Variants in PRP4K observed in about 807,000 individuals in gnomAD.
PRP4K encodes the protein serine/threonine-protein kinase PRP4 homolog.
At chr6:4,044,079 T>G in the PRP4K span, 2 of 1,520,472 alleles carry the variant, frequency 1.3e-6, no homozygotes, top group Non-Finnish European at 1.8e-6. Context: ...TCTGTAACTT[T>G]ATAATAAGAG....
the PRP4K span, among the ~76,000 whole-genome samples, chr6:4,021,987 G>T: frequency 6.6e-6 from 1 of 152,114 alleles, no homozygotes; most frequent in African/African-American, 2.4e-5. Context: ...GGCCATCCCA[G>T]AGCTAGTCTG....
the PRP4K span, among the ~76,000 whole-genome samples, chr6:4,059,826 A>G: frequency 1.3e-5 from 2 of 152,064 alleles, no homozygotes; most frequent in African/African-American, 4.8e-5. Context: ...TTGTATTTTT[A>G]GTAGAGATGG....
chr6:4,045,846 T>A, the PRP4K span, among the ~76,000 whole-genome samples: 1 of 152,228 alleles, frequency 6.6e-6, no homozygotes, highest in Non-Finnish European at 1.5e-5. Context: ...TTTGATAGGC[T>A]TAGGTTTATT....
chr6:4,044,864 T>A, the PRP4K span, among the ~76,000 whole-genome samples: 2 of 33,170 alleles, frequency 6.0e-5, no homozygotes, highest in Non-Finnish European at 1.8e-4. Context: ...ATTATTATTA[T>A]TTTTTTTTTT....
the PRP4K span, among the ~76,000 whole-genome samples, chr6:4,023,533 A>G: frequency 4.5e-4 from 68 of 152,304 alleles, no homozygotes; most frequent in Middle Eastern, 6.8e-3. Context: ...CTTGTCAAGT[A>G]TGAAATTATT....
At chr6:4,057,307 C>A in the PRP4K span, 1 of 994,614 alleles carries the variant, frequency 1.0e-6, no homozygotes, top group Non-Finnish European at 1.5e-6. Context: ...GGGTAGATGG[C>A]TATCATGATT....
At chr6:4,060,649 A>C in the PRP4K span, 1 of 1,559,706 alleles carries the variant, frequency 6.4e-7, no homozygotes, top group Non-Finnish European at 8.7e-7. The surrounding 1 kb of genome is among the most constrained non-coding windows in gnomAD (Gnocchi z 4.7). Context: ...GTTTGAGTAA[A>C]TACAAAGACT....
At chr6:4,027,171 A>G in the PRP4K span, among the ~76,000 whole-genome samples, 1 of 152,160 alleles carries the variant, frequency 6.6e-6, no homozygotes, top group Non-Finnish European at 1.5e-5. Context: ...CAAATGGAAG[A>G]TCTTTTGACT....
At chr6:4,024,716 T>C in the PRP4K span, among the ~76,000 whole-genome samples, 3 of 151,914 alleles carry the variant, frequency 2.0e-5, no homozygotes, top group Admixed American at 6.6e-5. Flanking sequence ...GATTCTCCTG[T>C]CTCTGTCTCC....
chr6:4,045,721 A>G, the PRP4K span, among the ~76,000 whole-genome samples: 2 of 152,218 alleles, frequency 1.3e-5, no homozygotes, highest in Non-Finnish European at 2.9e-5. Context: ...ATTACTACAT[A>G]TACTAACTGT....
At chr6:4,049,136 GT>G in the PRP4K span, 1 of 1,556,046 alleles carries the variant, frequency 6.4e-7, no homozygotes, top group Non-Finnish European at 8.8e-7. Flanking sequence ...TAACTTTAGA[GT>G]TCATTGTAAC....
At chr6:4,056,708 G>T in the PRP4K span, 2 of 1,532,770 alleles carry the variant, frequency 1.3e-6, no homozygotes, top group East Asian at 5.2e-5. Context: ...TCACATTTAT[G>T]GATTGTATGG....
At chr6:4,021,560 G>A in the PRP4K span, 1 of 1,515,444 alleles carries the variant, frequency 6.6e-7, no homozygotes, top group Non-Finnish European at 9.0e-7. Flanking sequence ...GCCTAACGGC[G>A]AGAGTCAAAC....
chr6:4,040,439 A>G, the PRP4K span, among the ~76,000 whole-genome samples: 1 of 152,162 alleles, frequency 6.6e-6, no homozygotes, highest in Non-Finnish European at 1.5e-5. Flanking sequence ...GAATACAAAG[A>G]AACAGTAGGT....
chr6:4,022,154 ATTTT>A, the PRP4K span, among the ~76,000 whole-genome samples: 28 of 92,012 alleles, frequency 3.0e-4, no homozygotes, highest in East Asian at 1.4e-3. Flanking sequence ...GAGGCCTGGC[ATTTT>A]TTTTTTTTTT....
the PRP4K span, among the ~76,000 whole-genome samples, chr6:4,028,781 C>T: frequency 6.6e-6 from 1 of 152,012 alleles, no homozygotes; most frequent in African/African-American, 2.4e-5. Context: ...GTGTTTTTCA[C>T]TCCCCCTCAT....
At chr6:4,032,439 C>A in the PRP4K span, 1 of 1,614,020 alleles carries the variant, frequency 6.2e-7, no homozygotes, top group Non-Finnish European at 8.5e-7. Flanking sequence ...CAGAAGGTCA[C>A]GGTCCAAAGA....
At chr6:4,034,910 A>G in the PRP4K span, among the ~76,000 whole-genome samples, 2 of 151,652 alleles carry the variant, frequency 1.3e-5, no homozygotes, top group Admixed American at 6.6e-5. Context: ...ACAGGGTTTC[A>G]CCATGTTGGC....
the PRP4K span, among the ~76,000 whole-genome samples, chr6:4,027,592 CGGA>C: frequency 1.0e-3 from 8 of 7,916 alleles, 1 homozygote; most frequent in African/African-American, 2.6e-3. Context: ...GCTTATTTGG[CGGA>C]GGGGTGGGGG....
Sources: gnomAD v4.1 joint callset for allele counts (sites outside exome capture counted in the v4.1 genomes callset) on GRCh38, gnomAD v4.1.1 for gene constraint, Gnocchi (gnomAD v3.1) non-coding constraint, MANE v1.5 for transcripts, NCBI Gene and HGNC (gene_info 2026-07-23, HGNC 2026-07-21) for gene names.